The following TEKT3 variants were observed in gnomAD, a reference collection of about 807,000 sequenced individuals.
TEKT3 encodes the protein tektin-3.
A neutral mutation model predicts 49.8 loss-of-function variants in TEKT3; 49 were observed. The ratio of observed to expected loss-of-function variants is 0.98; its 90% CI spans 0.78 to 1.25. TEKT3 has a LOEUF of 1.25. TEKT3 is among the 50% of genes most tolerant of loss of function. The probability of loss-of-function intolerance (pLI) is 0.00; values close to 1 mark genes in which losing one functional copy is unlikely to be tolerated. For missense variants in TEKT3, 595 were observed against 629.5 expected, an observed-to-expected ratio of 0.95 and a Z score of 0.59; for synonymous variants, 225 against 237.2, an observed-to-expected ratio of 0.95 and a Z score of 0.47.
At chr17:15,335,257 T>A (rs1911933709) in intron 2 of TEKT3, among the ~76,000 whole-genome samples, 1 of 152,144 alleles carries the variant, frequency 6.6e-6, no homozygotes, top group South Asian at 2.1e-4. Context: ...GAAATAGAGA[T>A]CCAGAAATCT....
intron 4 of TEKT3, among the ~76,000 whole-genome samples, chr17:15,322,718 C>T (rs1445264651): frequency 6.6e-6 from 1 of 152,316 alleles, no homozygotes. Context: ...GGGTAAACCT[C>T]CTGTCTAACA....
chr17:15,334,053 A>G (rs1289915149), intron 2 of TEKT3, among the ~76,000 whole-genome samples: 2 of 151,486 alleles, frequency 1.3e-5, no homozygotes, highest in East Asian at 3.9e-4. Context: ...GTGAGCCACC[A>G]CGCCCAGCTG....
intron 4 of TEKT3, among the ~76,000 whole-genome samples, chr17:15,320,255 C>T (rs1911193261): frequency 1.3e-5 from 2 of 152,164 alleles, no homozygotes; most frequent in Admixed American, 6.5e-5. Context: ...ATTTGTTCAC[C>T]ATTTGCCTTT....
chr17:15,336,916 T>G (rs2150754856), intron 2 of TEKT3, among the ~76,000 whole-genome samples: 1 of 152,240 alleles, frequency 6.6e-6, no homozygotes, highest in East Asian at 1.9e-4. Context: ...TCTCACAAAT[T>G]TACAATGGAG....
At position 15,331,610 on chromosome 17, in the gene TEKT3, C is replaced by A; in HGVS notation, c.-25G>T. 6.4e-7 allele frequency: 1 copy of A among 1,574,382 alleles called. No individual in the cohort carries two copies. The highest frequency in any genetic ancestry group is 8.6e-7 in the Non-Finnish European group (1 of 1,159,250). Reference sequence around the variant, plus strand: ...TGATGCCAAAACACTATTTGTAAATCTCTCCTGTTAAAAAATAAAAAGTAA... The same window carrying A: ...TGATGCCAAAACACTATTTGTAAATATCTCCTGTTAAAAAATAAAAAGTAA... On this transcript the variant is annotated 5_prime_UTR_variant, in exon 3 of 9. Coordinates refer to ENST00000395930, the MANE Select transcript of TEKT3 (RefSeq NM_031898.3).
chr17:15,303,814 G>T lies in TEKT3; in HGVS notation c.*122C>A, dbSNP rs1910414490. On this transcript the variant is annotated 3_prime_UTR_variant, in exon 9 of 9. Transcript: ENST00000395930. ...AAAAGGCTTTCCGAGACAGGAGGTT[G>T]GTACATTTCCATCAGCATAATCCTT... The T allele has an allele frequency of 5.5e-6, 5 of 914,024 alleles. No homozygotes were observed. The highest frequency in any genetic ancestry group is 8.4e-6 in the Non-Finnish European group (5 of 592,456). The allele number at this position is 914,024 out of a possible 1,614,324, so 56.6% of individuals were successfully genotyped here. A position where few individuals can be genotyped will look rare whatever the true frequency, so the allele number is the denominator to read the frequency against.
intron 2 of TEKT3, among the ~76,000 whole-genome samples, chr17:15,335,063 A>C (rs1459618227): frequency 6.6e-6 from 1 of 152,242 alleles, no homozygotes; most frequent in African/African-American, 2.4e-5. Flanking sequence ...AAGGGAAACA[A>C]ATAAGGTGAG....
intron 7 of TEKT3, 36 bp downstream of exon 7, chr17:15,312,213 CGCTCTGTCCA>C (rs770003317): frequency 5.7e-6 from 9 of 1,568,198 alleles, no homozygotes; most frequent in Non-Finnish European, 7.9e-6. Flanking sequence ...CAGAGCACAC[CGCTCTGTCCA>C]GGTCAGCTAA....
At chr17:15,342,870 C>A (rs1326305253), upstream of TEKT3, among the ~76,000 whole-genome samples, 1 of 152,206 alleles carries the variant, frequency 6.6e-6, no homozygotes, top group Non-Finnish European at 1.5e-5. Flanking sequence ...GACTAGTTTT[C>A]CCACTATGTT....
rs1911746701 is a variant in TEKT3, at chr17:15,331,474, G to C, written c.112C>G (p.Pro38Ala). ...TMASSYRDRF[P>A]HSNLTHSLSL... ...AGGCTATGGGTCAAATTGGAGTGGG[G>C]AAAGCGGTCCCTGTAGCTTGAGGCC... Residue 38 changes from proline to alanine, a missense_variant, in exon 3 of 9, where the codon CCC (proline) becomes GCC (alanine). By Grantham distance (27) the Pro-to-Ala change is conservative (BLOSUM62 -1). Coordinates refer to ENST00000395930, the MANE Select transcript of TEKT3 (RefSeq NM_031898.3). 4 of 1,614,160 alleles carry C rather than the reference G, an allele frequency of 2.5e-6. No individual in the cohort carries two copies. Among genetic ancestry groups the C allele is most frequent in the Non-Finnish European group, 3.4e-6 (4 of 1,180,038 alleles).
chr17:15,312,194 T>C, intron 7 of TEKT3, 65 bp downstream of exon 7: 1 of 1,486,016 alleles, frequency 6.7e-7, no homozygotes, highest in Admixed American at 1.7e-5. Flanking sequence ...GGTGAGAGAT[T>C]TGTAGTCCCA....
At chr17:15,338,308 T>C (rs1233086309) in intron 2 of TEKT3, 1 of 152,164 alleles carries the variant, frequency 6.6e-6, no homozygotes, top group East Asian at 1.9e-4. Context: ...TGAGTAGCCT[T>C]GTAGTATTTT....
intron 6 of TEKT3, among the ~76,000 whole-genome samples, chr17:15,313,491 T>C (rs892387753): frequency 3.9e-5 from 6 of 152,096 alleles, no homozygotes; most frequent in Non-Finnish European, 7.4e-5. Flanking sequence ...TGGCAACTTG[T>C]GGCTTGTCTG....
chr17:15,323,680 T>C (rs1911362761), intron 4 of TEKT3, among the ~76,000 whole-genome samples: 1 of 152,064 alleles, frequency 6.6e-6, no homozygotes, highest in Non-Finnish European at 1.5e-5. Context: ...TAAGACCTAC[T>C]TTGGTAAAAA....
intron 2 of TEKT3, among the ~76,000 whole-genome samples, chr17:15,337,570 A>G (rs1912035091): frequency 6.6e-6 from 1 of 152,182 alleles, no homozygotes; most frequent in East Asian, 1.9e-4. Flanking sequence ...TGGGCTGGGC[A>G]CGGTGGCTCA....
At chr17:15,307,561 T>C (rs1029310410) in intron 8 of TEKT3, among the ~76,000 whole-genome samples, 46 of 152,250 alleles carry the variant, frequency 3.0e-4, no homozygotes, top group African/African-American at 1.1e-3. Context: ...TTACTATTAT[T>C]ATCATCATCA....
rs1174231490 is a variant in TEKT3 at position 15,314,209 on chromosome 17, A to T, written c.756T>A (p.His252Gln). ...AQLAANRASQ[H>Q]ELEKDLSDKQ... ...TGTCACTCAGGTCCTTTTCCAGCTC[A>T]TGCTGGGACGCTCTGTTGGCTCTGC... The change falls in exon 6 of 9, where the codon CAT becomes CAA. Residue 252 changes from histidine (H) to glutamine (Q), a missense_variant. Physicochemically the swap from His to Gln is conservative, Grantham distance 24 (BLOSUM62 0). Coordinates refer to ENST00000395930, the MANE Select transcript of TEKT3 (RefSeq NM_031898.3). 2 of 1,612,596 alleles carry T rather than the reference A, an allele frequency of 1.2e-6. No individual in the cohort carries two copies. Among genetic ancestry groups the T allele is most frequent in the Admixed American group, 1.7e-5 (1 of 60,022 alleles).
At chr17:15,324,872 C>A (rs752559777) in intron 4 of TEKT3, among the ~76,000 whole-genome samples, 1 of 152,114 alleles carries the variant, frequency 6.6e-6, no homozygotes, top group Non-Finnish European at 1.5e-5. Flanking sequence ...ATATTCATGC[C>A]TATGTTCTTT....
Position 15,316,495 on chromosome 17 carries a change from A to G in TEKT3, c.735-2265T>C, listed in dbSNP as rs143395069. On this transcript the variant is annotated intron_variant, in intron 5 of 8. Transcript: ENST00000395930. ...GGGAGGGAGGAGGGTGGGATGTTGG[A>G]AGGTTGCTTAGTGGTTACAATGTGC... Among the ~76,000 whole-genome samples the G allele has an allele frequency of 6.3e-3, 963 of 152,258 alleles. 11 individuals are homozygous for G. Among genetic ancestry groups the G allele is most frequent in the Middle Eastern group, 0.024 (7 of 292 alleles).
Sources: allele counts gnomAD v4.1 joint callset (sites outside exome capture counted in the v4.1 genomes callset), GRCh38; gene constraint gnomAD v4.1.1; transcripts MANE v1.5; gene names NCBI Gene and HGNC (gene_info 2026-07-23, HGNC 2026-07-21).